The following VGLL4 variants were observed in gnomAD, a reference collection of about 807,000 sequenced individuals.
VGLL4 encodes the protein transcription cofactor vestigial-like protein 4.
Under a neutral mutation model 21.0 loss-of-function variants are expected in VGLL4, and 7 were observed. The observed-to-expected ratio is 0.33, with a 90% confidence interval of 0.19 to 0.63. The LOEUF (loss-of-function observed/expected upper bound fraction) is 0.63, where lower values mean the gene tolerates loss of function less well. VGLL4 is among the 20% of genes least tolerant of loss of function. The pLI is 0.78. For synonymous variants in VGLL4, 222 were observed against 173.2 expected (o/e 1.28, Z -2.21); for missense variants, 394 against 425.7 (o/e 0.93, Z 0.66).
chr3:11,607,802 A>G (rs970022502), intron 1 of VGLL4, among the ~76,000 whole-genome samples: 1 of 152,258 alleles, frequency 6.6e-6, no homozygotes, highest in African/African-American at 2.4e-5. Flanking sequence ...TTAAAGTCAG[A>G]TAATTTTTAA....
intron 2 of VGLL4, among the ~76,000 whole-genome samples, chr3:11,601,583 C>G (rs2074798801): frequency 6.6e-6 from 1 of 152,190 alleles, no homozygotes; most frequent in Non-Finnish European, 1.5e-5. Flanking sequence ...ACATTAACTT[C>G]TATGGAGTTT....
intron 1 of VGLL4, among the ~76,000 whole-genome samples, chr3:11,609,274 A>G (rs528427127): frequency 1.2e-4 from 18 of 152,346 alleles, no homozygotes; most frequent in Admixed American, 7.8e-4. Context: ...TACATCTTCT[A>G]AAGTTAAGTT....
At chr3:11,583,002 G>A (rs571265861) in intron 2 of VGLL4, among the ~76,000 whole-genome samples, 3 of 152,308 alleles carry the variant, frequency 2.0e-5, no homozygotes, top group Admixed American at 1.3e-4. Context: ...TTACAGGTGG[G>A]TGCAAGAAGT....
At chr3:11,665,101 C>CTTTTCT (rs2076097523) in intron 2 of VGLL4, among the ~76,000 whole-genome samples, 7 of 96,952 alleles carry the variant, frequency 7.2e-5, no homozygotes, top group African/African-American at 3.4e-4. Context: ...GAATATTTTT[C>CTTTTCT]TTTTTTTTTT....
chr3:11,698,672 T>C (rs867752233), intron 2 of VGLL4, among the ~76,000 whole-genome samples: 5 of 152,362 alleles, frequency 3.3e-5, no homozygotes, highest in South Asian at 2.1e-4. Flanking sequence ...CAATGTCTCA[T>C]GAGCAGTGGA....
At chr3:11,697,609 A>AG (rs11457860) in intron 2 of VGLL4, among the ~76,000 whole-genome samples, 107,283 of 151,948 alleles carry the variant, frequency 0.71, 38,214 homozygotes, top group African/African-American at 0.77. Context: ...GAAAGAAATC[A>AG]TAAGAGAAAA....
chr3:11,605,601 T>C (rs1362013444), intron 1 of VGLL4, among the ~76,000 whole-genome samples: 2 of 152,080 alleles, frequency 1.3e-5, no homozygotes, highest in East Asian at 3.9e-4. Context: ...CTGTCCTCCT[T>C]GATTCCTCCA....
chr3:11,626,086 A>G (rs2075347354), intron 1 of VGLL4, among the ~76,000 whole-genome samples: 1 of 152,236 alleles, frequency 6.6e-6, no homozygotes. Context: ...CTTAACTTAA[A>G]GAAACTATCA....
intron 2 of VGLL4, among the ~76,000 whole-genome samples, chr3:11,672,373 T>C (rs910375416): frequency 2.6e-5 from 1 of 37,882 alleles, no homozygotes; most frequent in South Asian, 8.7e-4. Flanking sequence ...TGCTTCTATT[T>C]AGTGTTTTTT....
rs1002303581 is a variant in VGLL4 at position 11,704,495 on chromosome 3, C to T, written c.-13-1448G>A. Among the ~76,000 whole-genome samples, 8 of 151,378 alleles carry T rather than the reference C, an allele frequency of 5.3e-5. 1 individual carries two copies. The Middle Eastern group carries it at 0.01, about 194-fold the overall frequency. On this transcript the variant is annotated intron_variant, in intron 1 of 5. Coordinates refer to the VGLL4 transcript ENST00000273038. ...AACGTTAAATATCTACAAGGAGCTC[C>T]AGGCGGGAAAAATAAACAAAGCCCA...
Position 11,653,324 on chromosome 3 carries a change from C to T in VGLL4, c.64+49647G>A, listed in dbSNP as rs1039551066. Among the ~76,000 whole-genome samples, 1 of 152,228 alleles carries T rather than the reference C, an allele frequency of 6.6e-6. No individual in the cohort carries two copies. The highest frequency in any genetic ancestry group is 2.4e-5 in the African/African-American group (1 of 41,458). ...GTAACTACCCCCATAGGGTAACTTA[C>T]TATCCTAACCTTTAAGAACGTAGAT... On this transcript the variant is annotated intron_variant, in intron 2 of 5. Transcript: ENST00000273038. The surrounding 1 kb of genome is among the most constrained non-coding windows in gnomAD (Gnocchi z 4.2).
rs1270567553 is a variant in VGLL4, at chr3:11,568,909, A to G, written c.273-3890T>C. The stretch of plus-strand genomic sequence containing the variant: ...CGGCCCCGCCCCGGGCCTCATCCCC[A>G]TCCTAGGCGGGCACTTCCACTGCCA... On this transcript the variant is annotated intron_variant, in intron 2 of 4. Coordinates refer to ENST00000430365, the MANE Select transcript of VGLL4 (RefSeq NM_001128219.3). This position sits in a 1 kb window ranked among gnomAD's most constrained non-coding sequence, Gnocchi z 5.9. 1 of 1,279,802 alleles carries G rather than the reference A, an allele frequency of 7.8e-7. No homozygotes were observed. The highest frequency in any genetic ancestry group is 1.5e-5 in the African/African-American group (1 of 65,658). The allele number at this position is 1,279,802 out of a possible 1,614,324, so 79.3% of individuals were successfully genotyped here. A position where few individuals can be genotyped will look rare whatever the true frequency, so the allele number is the denominator to read the frequency against.
intron 1 of VGLL4, among the ~76,000 whole-genome samples, chr3:11,618,357 A>T (rs774643844): frequency 6.6e-5 from 10 of 152,224 alleles, no homozygotes; most frequent in Non-Finnish European, 1.2e-4. Context: ...AGGCTATTAG[A>T]ACTGAAGTCA....
chr3:11,576,812 G>A (rs893503329), intron 2 of VGLL4, among the ~76,000 whole-genome samples: 4 of 152,190 alleles, frequency 2.6e-5, no homozygotes, highest in African/African-American at 9.7e-5. Context: ...TCCGATGCCC[G>A]CCTCAGGAAG....
chr3:11,718,212 T>C (rs971933875), intron 1 of VGLL4, among the ~76,000 whole-genome samples: 1 of 152,296 alleles, frequency 6.6e-6, no homozygotes. Flanking sequence ...ATTGAAGGGT[T>C]TACATCATTT....
intron 3 of VGLL4, among the ~76,000 whole-genome samples, chr3:11,562,350 T>G (rs946450102): frequency 2.6e-5 from 4 of 152,194 alleles, no homozygotes; most frequent in African/African-American, 4.8e-5. Context: ...TCTGGGAACT[T>G]TCCTGTCCCA....
At chr3:11,574,216 C>T (rs747452279) in intron 2 of VGLL4, among the ~76,000 whole-genome samples, 1 of 152,208 alleles carries the variant, frequency 6.6e-6, no homozygotes, top group Non-Finnish European at 1.5e-5. Context: ...GCCGTACCCA[C>T]CCGCTGCCTT....
At chr3:11,649,807 C>T (rs2075841948) in intron 2 of VGLL4, among the ~76,000 whole-genome samples, 1 of 152,168 alleles carries the variant, frequency 6.6e-6, no homozygotes, top group African/African-American at 2.4e-5. Flanking sequence ...GTACCAATTC[C>T]CCCAAACTAG....
rs1225498431 is a variant in VGLL4, at chr3:11,584,199, C to CATAT, written c.272+17633_272+17634insATAT. Among the ~76,000 whole-genome samples the CATAT allele has an allele frequency of 4.6e-5, 7 of 152,056 alleles. No individual in the cohort carries two copies. The East Asian group carries it at 1.2e-3, about 25-fold the overall frequency. On this transcript the variant is annotated intron_variant, in intron 2 of 4. Transcript: ENST00000430365. ...ACAGAGCATCCTTAATATGAAGAGT[C>CATAT]GTAACATATCAAGAGAAAGAAGATG... is the stretch of plus-strand genomic sequence containing the variant.
Sources: gnomAD v4.1 joint callset for allele counts (sites outside exome capture counted in the v4.1 genomes callset) on GRCh38, gnomAD v4.1.1 for gene constraint, Gnocchi (gnomAD v3.1) non-coding constraint, MANE v1.5 for transcripts, NCBI Gene and HGNC (gene_info 2026-07-23, HGNC 2026-07-21) for gene names.